The following INTS6 variants were observed in gnomAD, a reference collection of about 807,000 sequenced individuals.
The protein encoded by INTS6 is DEAD box protein.
A neutral mutation model predicts 104.9 loss-of-function variants in INTS6; 16 were observed. That is an observed-to-expected ratio of 0.15 (90% CI 0.10 to 0.23). The LOEUF is 0.23. Among genes scored for constraint, INTS6 ranks in the 10% least tolerant of loss-of-function variants. The pLI is 1.00. For synonymous variants in INTS6, 324 were observed against 358.7 expected, an observed-to-expected ratio of 0.90 and a Z score of 1.09; for missense variants, 584 against 1,062.8, an observed-to-expected ratio of 0.55 and a Z score of 6.26.
chr13:51,353,451 CAA>C (rs1955430684), downstream of INTS6, among the ~76,000 whole-genome samples: 1 of 152,164 alleles, frequency 6.6e-6, no homozygotes, highest in South Asian at 2.1e-4. Flanking sequence ...AGGACTGTGA[CAA>C]AGAGAAGCAA....
chr13:51,417,001 T>TA (rs1422809600), intron 4 of INTS6, among the ~76,000 whole-genome samples: 1 of 152,236 alleles, frequency 6.6e-6, no homozygotes, highest in Non-Finnish European at 1.5e-5. Flanking sequence ...TTCATGTACT[T>TA]ACTAGCCATT....
downstream of INTS6, among the ~76,000 whole-genome samples, chr13:51,358,944 C>G (rs998215698): frequency 6.6e-6 from 1 of 150,614 alleles, no homozygotes; most frequent in East Asian, 1.9e-4. Context: ...TATGGTTAAA[C>G]GCTATGTATT....
chr13:51,432,651 C>T (rs1470429110), intron 3 of INTS6, among the ~76,000 whole-genome samples: 1 of 152,148 alleles, frequency 6.6e-6, no homozygotes, highest in African/African-American at 2.4e-5. Flanking sequence ...TTTAGAATTA[C>T]TCAAACTTCA....
At chr13:51,387,622 C>T in intron 6 of INTS6, 82 bp from the exon 7 acceptor site, 1 of 1,048,760 alleles carries the variant, frequency 9.5e-7, no homozygotes. Context: ...TCAATTATTA[C>T]TTAAATTAAT....
intron 4 of INTS6, among the ~76,000 whole-genome samples, chr13:51,429,785 A>AAAAAAAAAAAAAGATATATATATAT (rs1156333077): frequency 1.1e-5 from 1 of 92,358 alleles, no homozygotes; most frequent in Non-Finnish European, 2.0e-5. Flanking sequence ...AAAAAAAAAA[A>AAAAAAAAAAAAAGATATATATATAT]ATATATATAT....
intron 5 of INTS6, among the ~76,000 whole-genome samples, chr13:51,392,638 C>T (rs1029674918): frequency 1.8e-4 from 27 of 152,136 alleles, no homozygotes; most frequent in African/African-American, 5.6e-4. Context: ...CCTCCTCAGA[C>T]GAAAACTTAG....
At chr13:51,341,711 G>T in the INTS6 span, among the ~76,000 whole-genome samples, 1 of 152,220 alleles carries the variant, frequency 6.6e-6, no homozygotes, top group Non-Finnish European at 1.5e-5. Flanking sequence ...GTGCCAGGCA[G>T]TGCTGGAGGC....
chr13:51,451,480 G>A (rs1953042386), intron 2 of INTS6: 1 of 174,100 alleles, frequency 5.7e-6, no homozygotes, highest in Non-Finnish European at 1.2e-5. Flanking sequence ...GATGGGAGCC[G>A]GACTTAGGAA....
At chr13:51,395,086 A>G (rs1956311665) in intron 5 of INTS6, among the ~76,000 whole-genome samples, 1 of 152,274 alleles carries the variant, frequency 6.6e-6, no homozygotes, top group Non-Finnish European at 1.5e-5. Context: ...AAAAAATATT[A>G]CCATTCCTTG....
chr13:51,382,206 A>AGTCT, intron 9 of INTS6, 83 bp from the exon 10 acceptor site: 1 of 714,180 alleles, frequency 1.4e-6, no homozygotes, highest in South Asian at 2.1e-5. Context: ...TCCTTTTTAA[A>AGTCT]GTCTGCTTTG....
intron 4 of INTS6, among the ~76,000 whole-genome samples, chr13:51,408,155 T>A (rs1446742916): frequency 6.6e-6 from 1 of 151,672 alleles, no homozygotes; most frequent in East Asian, 1.9e-4. Context: ...GGTTTTTTTT[T>A]TTTTTGAAAT....
At position 51,412,469 on chromosome 13, in the gene INTS6, TA is replaced by T. The variant is rs570084492; in HGVS notation, c.430-16987del. 1.4e-3 allele frequency among the ~76,000 whole-genome samples: 217 copies of T among 152,316 alleles called. 2 individuals carry two copies. The highest frequency in any genetic ancestry group is 5.1e-3 in the African/African-American group (211 of 41,570). On this transcript the variant is annotated intron_variant, in intron 4 of 17. Coordinates refer to ENST00000311234, the MANE Select transcript of INTS6 (RefSeq NM_012141.3). ...TGCCTCCTTTCTCAGAATACTTCCC[TA>T]AAGATCCAGGTGAGAATTCTCATTC...
chr13:51,365,789 C>T lies in INTS6; in HGVS notation c.2627G>A (p.Arg876Gln), dbSNP rs369926922. ...QLENFLDEIH[R>Q]RANQINHINS... ...AATATGGTTGATCTGATTGGCTCTTCGATGAATTTCATCCAAGAAGTTCTC... is the reference window on the plus strand; with the variant it reads ...AATATGGTTGATCTGATTGGCTCTTTGATGAATTTCATCCAAGAAGTTCTC... Residue 876 changes from arginine (R) to glutamine (Q), a missense_variant, in exon 18 of 18, where the codon CGA becomes CAA. Arg to Gln is a conservative substitution (Grantham distance 43). Transcript: ENST00000311234. 4.4e-6 allele frequency: 7 copies of T among 1,601,178 alleles called. No homozygotes were observed. The highest frequency in any genetic ancestry group is 2.2e-5 in the East Asian group (1 of 44,556).
chr13:51,416,280 C>A (rs1956784766), intron 4 of INTS6, among the ~76,000 whole-genome samples: 1 of 152,120 alleles, frequency 6.6e-6, no homozygotes, highest in African/African-American at 2.4e-5. Flanking sequence ...TTGTTTCATT[C>A]ATCTATTTAA....
chr13:51,357,601 T>C (rs977641897), downstream of INTS6, among the ~76,000 whole-genome samples: 11 of 151,926 alleles, frequency 7.2e-5, no homozygotes, highest in African/African-American at 2.7e-4. Flanking sequence ...GCATCAAATA[T>C]TTTTTTTGCT....
At chr13:51,396,407 T>C (rs989601549) in intron 4 of INTS6, among the ~76,000 whole-genome samples, 8 of 152,168 alleles carry the variant, frequency 5.3e-5, no homozygotes, top group African/African-American at 1.7e-4. Context: ...CCCTTACACC[T>C]GCTAAGTTAG....
chr13:51,414,712 C>A (rs1956752154), intron 4 of INTS6, among the ~76,000 whole-genome samples: 1 of 152,058 alleles, frequency 6.6e-6, no homozygotes. Context: ...AAATATAATA[C>A]AGCCGCAGGT....
chr13:51,436,408 C>G lies in INTS6; in HGVS notation c.340-6025G>C, dbSNP rs995521587. 2.6e-5 allele frequency: 4 copies of G among 152,134 alleles called. No homozygotes were observed. In the East Asian group the frequency reaches 7.7e-4, roughly 29 times the overall value. 9.4% of individuals were successfully genotyped at this position (152,134 alleles called of 1,614,324 possible). On this transcript the variant is annotated intron_variant, in intron 3 of 17. Transcript: ENST00000311234. ...AATATATTTTTAGTTTCAAGTAACTCCGTTACACGACTGTGTTCCGATACA... is the reference window on the plus strand; with the variant it reads ...AATATATTTTTAGTTTCAAGTAACTGCGTTACACGACTGTGTTCCGATACA...
chr13:51,428,381 G>A (rs1417030239), intron 4 of INTS6, among the ~76,000 whole-genome samples: 2 of 148,132 alleles, frequency 1.4e-5, no homozygotes, highest in Non-Finnish European at 3.0e-5. Flanking sequence ...CTGGAGTGCA[G>A]TGGCACGGTC....
Sources: allele counts gnomAD v4.1 joint callset (sites outside exome capture counted in the v4.1 genomes callset), GRCh38; gene constraint gnomAD v4.1.1; transcripts MANE v1.5; gene names NCBI Gene and HGNC (gene_info 2026-07-23, HGNC 2026-07-21).